The following NCKAP1 variants were observed in gnomAD, a reference collection of about 807,000 sequenced individuals.
NCKAP1 encodes the protein nck-associated protein 1.
In NCKAP1, 21 loss-of-function variants were observed where a neutral mutation model predicts 151.2. The ratio of observed to expected loss-of-function variants is 0.14; its 90% CI spans 0.10 to 0.20. The LOEUF (loss-of-function observed/expected upper bound fraction) is 0.20. NCKAP1 is among the 10% of genes least tolerant of loss of function. The pLI is 1.00. For missense variants in NCKAP1, 933 were observed against 1,352.1 expected (o/e 0.69, Z 4.86); for synonymous variants, 484 against 451.8 (o/e 1.07, Z -0.90).
Position 182,928,866 on chromosome 2 carries a change from G to A in NCKAP1, c.2987C>T (p.Ala996Val). 1 of 1,611,448 alleles carries A rather than the reference G, an allele frequency of 6.2e-7. No individual in the cohort carries two copies. The highest frequency in any genetic ancestry group is 1.1e-5 in the South Asian group (1 of 90,844). The change falls in exon 28 of 31, where the codon GCC becomes GTC. Residue 996 changes from alanine to valine, a missense_variant. Physicochemically the swap from Ala to Val is moderately conservative, Grantham distance 64 (BLOSUM62 0). Around this residue, in one of 2 missense-constraint regions of NCKAP1, gnomAD observed 326 missense variants for 557.1 expected, o/e 0.59. Coordinates refer to ENST00000361354, the MANE Select transcript of NCKAP1 (RefSeq NM_013436.5). ...TGCCACAAACACCATGAGAAGGCAG[G>A]CAATTTTATACTCTTCTTCTGGACT... ...NISPEEEYKI[A>V]CLLMVFVAVS...
At chr2:183,023,988 T>C in intron 1 of NCKAP1, 72 bp from the exon 2 acceptor site, 1 of 1,127,654 alleles carries the variant, frequency 8.9e-7, no homozygotes, top group Non-Finnish European at 1.3e-6. Flanking sequence ...AAATCTGCAA[T>C]TAGAAATTAA....
At chr2:183,028,689 A>T (rs904131869) in intron 1 of NCKAP1, among the ~76,000 whole-genome samples, 1 of 152,060 alleles carries the variant, frequency 6.6e-6, no homozygotes, top group Non-Finnish European at 1.5e-5. Context: ...AGATACACAT[A>T]AACTGTTTAT....
chr2:182,919,560 G>A lies in NCKAP1; in HGVS notation c.*6142C>T, dbSNP rs996342408. ...AGATAAACATTCTATATGTAACTTG[G>A]AGTGAAACTCATGTGTTTTATACAT... is the stretch of plus-strand genomic sequence containing the variant. On this transcript the variant is annotated 3_prime_UTR_variant, in exon 31 of 31. Transcript: ENST00000361354. 3 of 151,536 alleles carry A rather than the reference G, an allele frequency of 2.0e-5. No homozygotes were observed. Among genetic ancestry groups the A allele is most frequent in the African/African-American group, 7.3e-5 (3 of 41,274 alleles). The allele number at this position is 151,536 out of a possible 1,614,324, so 9.4% of individuals were successfully genotyped here.
chr2:182,935,321 C>G lies in NCKAP1; in HGVS notation c.2750G>C (p.Arg917Pro). Reference sequence around the variant, plus strand: ...TCTAAGTGCTTCTTGTGCCAATGATCGGAAGGATAAAATTACACCAATTAT... The same window carrying G: ...TCTAAGTGCTTCTTGTGCCAATGATGGGAAGGATAAAATTACACCAATTAT... ...MTIIGVILSFRSLAQEALRDV... is the reference protein window; with the variant it reads ...MTIIGVILSFPSLAQEALRDV... Residue 917 changes from arginine to proline, a missense_variant, in exon 25 of 31, where the codon CGA (arginine) becomes CCA (proline). Arg to Pro is a moderately radical substitution (Grantham distance 103). Coordinates refer to ENST00000361354, the MANE Select transcript of NCKAP1 (RefSeq NM_013436.5). 1 of 1,591,046 alleles carries G rather than the reference C, an allele frequency of 6.3e-7. No individual in the cohort carries two copies. Among genetic ancestry groups the G allele is most frequent in the Non-Finnish European group, 8.5e-7 (1 of 1,172,216 alleles).
At chr2:183,014,505 G>A (rs1233426191) in intron 2 of NCKAP1, among the ~76,000 whole-genome samples, 1 of 152,020 alleles carries the variant, frequency 6.6e-6, no homozygotes, top group Non-Finnish European at 1.5e-5. Context: ...TTTTCCTTAG[G>A]TTCTACATTC....
At chr2:183,031,774 G>A (rs1699008827) in intron 1 of NCKAP1, among the ~76,000 whole-genome samples, 1 of 152,070 alleles carries the variant, frequency 6.6e-6, no homozygotes, top group Admixed American at 6.5e-5. Flanking sequence ...TGAGATAACT[G>A]GAATATCTAT....
At chr2:182,958,648 T>G (rs1370240425) in intron 18 of NCKAP1, among the ~76,000 whole-genome samples, 1 of 152,174 alleles carries the variant, frequency 6.6e-6, no homozygotes, top group African/African-American at 2.4e-5. Context: ...AACTTAGATG[T>G]GTGAGAGAAG....
In NCKAP1 at chr2:182,909,952, G is replaced by A. The variant is rs972387150; in HGVS notation, c.*15750C>T. 1 of 152,190 alleles carries A rather than the reference G, an allele frequency of 6.6e-6. No individual in the cohort carries two copies. Among genetic ancestry groups the A allele is most frequent in the South Asian group, 2.1e-4 (1 of 4,826 alleles). 9.4% of individuals were successfully genotyped at this position (152,190 alleles called of 1,614,324 possible). ...TTGGTGTTCAGACACGTATAACCAA[G>A]TCTGTTGGAATGGATGGGGTGGGAA... is the stretch of plus-strand genomic sequence containing the variant. On this transcript the variant is annotated 3_prime_UTR_variant, in exon 31 of 31. Coordinates refer to ENST00000361354, the MANE Select transcript of NCKAP1 (RefSeq NM_013436.5).
rs1179869988 is a variant in NCKAP1 at position 182,995,906 on chromosome 2, A to G, written c.604-68T>C. On this transcript the variant is annotated intron_variant, in intron 6 of 30. Coordinates refer to ENST00000361354, the MANE Select transcript of NCKAP1 (RefSeq NM_013436.5). ...CCTTTTCTGTTTACATTGCAGCTAT[A>G]ATTGCTGTGTGTTTCTAACTATACC... 1.1e-5 allele frequency: 15 copies of G among 1,321,760 alleles called. No homozygotes were observed. The East Asian group carries it at 3.5e-4, about 31-fold the overall frequency. The allele number at this position is 1,321,760 out of a possible 1,614,324, so 81.9% of individuals were successfully genotyped here. A position where few individuals can be genotyped will look rare whatever the true frequency, so the allele number is the denominator to read the frequency against.
intron 18 of NCKAP1, among the ~76,000 whole-genome samples, chr2:182,959,051 C>G (rs991114867): frequency 2.0e-5 from 3 of 152,060 alleles, no homozygotes; most frequent in Admixed American, 6.6e-5. Flanking sequence ...ATGGCTACTA[C>G]AAAATTTTAA....
chr2:183,018,685 A>AT (rs1372381895), intron 2 of NCKAP1, among the ~76,000 whole-genome samples: 1 of 152,228 alleles, frequency 6.6e-6, no homozygotes, highest in Non-Finnish European at 1.5e-5. Context: ...CATTAACTCC[A>AT]TAACTTTTAA....
intron 15 of NCKAP1, among the ~76,000 whole-genome samples, chr2:182,973,584 C>T (rs1033312061): frequency 6.6e-6 from 1 of 152,108 alleles, no homozygotes; most frequent in Non-Finnish European, 1.5e-5. Context: ...GCACAAAGTA[C>T]ACTACTAAAA....
At chr2:182,983,070 G>A (rs1697973432) in intron 11 of NCKAP1, 143 bp from the exon 12 acceptor site, 2 of 708,302 alleles carry the variant, frequency 2.8e-6, no homozygotes, top group Non-Finnish European at 4.7e-6. Flanking sequence ...GGACACAAGA[G>A]AACCTGTAAG....
intron 10 of NCKAP1, among the ~76,000 whole-genome samples, chr2:182,984,879 C>T (rs1156389868): frequency 6.6e-6 from 1 of 152,094 alleles, no homozygotes; most frequent in East Asian, 1.9e-4. Flanking sequence ...CCACTGCTTA[C>T]TACTTATATT....
Position 182,921,624 on chromosome 2 carries a change from A to G in NCKAP1, c.*4078T>C, listed in dbSNP as rs961143778. On this transcript the variant is annotated 3_prime_UTR_variant, in exon 31 of 31. Coordinates refer to ENST00000361354, the MANE Select transcript of NCKAP1 (RefSeq NM_013436.5). ...GGATGAGGGGTGCACTTAAACCAGA[A>G]ATGAGACATGGCCCTCTGTGGCTAG... is the stretch of plus-strand genomic sequence containing the variant. The G allele has an allele frequency of 1.3e-5, 2 of 152,206 alleles. No homozygotes were observed. The highest frequency in any genetic ancestry group is 4.8e-5 in the African/African-American group (2 of 41,448). 9.4% of individuals were successfully genotyped at this position (152,206 alleles called of 1,614,324 possible). A position where few individuals can be genotyped will look rare whatever the true frequency, so the allele number is the denominator to read the frequency against.
chr2:183,025,028 T>C, intron 1 of NCKAP1: 2 of 1,604,098 alleles, frequency 1.2e-6, no homozygotes, highest in African/African-American at 1.3e-5. Flanking sequence ...AGAGAGAAAA[T>C]TACGTGTAAA....
Position 182,916,185 on chromosome 2 carries a change from A to C in NCKAP1, c.*9517T>G, listed in dbSNP as rs906545965. On this transcript the variant is annotated 3_prime_UTR_variant, in exon 31 of 31. Transcript: ENST00000361354. The stretch of plus-strand genomic sequence containing the variant: ...GCCTTCTGTCAAAAAAAAAAAAAAA[A>C]AAAAAACATGTCTCTGTGTCATCAC... 2.6e-5 allele frequency: 4 copies of C among 151,396 alleles called. No homozygotes were observed. The highest frequency in any genetic ancestry group is 7.3e-5 in the African/African-American group (3 of 41,204). 9.4% of individuals were successfully genotyped at this position (151,396 alleles called of 1,614,324 possible). A position where few individuals can be genotyped will look rare whatever the true frequency, so the allele number is the denominator to read the frequency against.
At chr2:182,991,660 CAA>C (rs578190632) in intron 8 of NCKAP1, among the ~76,000 whole-genome samples, 1 of 132,090 alleles carries the variant, frequency 7.6e-6, no homozygotes. Flanking sequence ...GATGAAAGGA[CAA>C]AAAAAAAAAA....
chr2:182,948,636 C>T (rs1403559680), intron 23 of NCKAP1, among the ~76,000 whole-genome samples: 4 of 151,986 alleles, frequency 2.6e-5, no homozygotes, highest in African/African-American at 9.7e-5. Context: ...GAATAATGGA[C>T]AATACCTAAC....
Sources: allele counts gnomAD v4.1 joint callset (sites outside exome capture counted in the v4.1 genomes callset), GRCh38; gene constraint gnomAD v4.1.1; regional missense constraint gnomAD v4.1.1; transcripts MANE v1.5; gene names NCBI Gene and HGNC (gene_info 2026-07-23, HGNC 2026-07-21).